Variants in TESMIN observed in about 807,000 individuals in gnomAD.
TESMIN encodes the protein CXC domain containing 2.
In TESMIN, 34 loss-of-function variants were observed where a neutral mutation model predicts 47.4. The ratio of observed to expected loss-of-function variants is 0.72; its 90% CI spans 0.55 to 0.96. The LOEUF is 0.96. TESMIN is among the 40% of genes least tolerant of loss of function. The pLI is 0.00. For synonymous variants in TESMIN, 278 were observed against 258.9 expected, an observed-to-expected ratio of 1.07 and a Z score of -0.71; for missense variants, 610 against 637.2, an observed-to-expected ratio of 0.96 and a Z score of 0.46.
rs1031215563 is a variant in TESMIN at position 68,708,114 on chromosome 11, G to A, written c.*194C>T. 1.7e-5 allele frequency: 10 copies of A among 585,338 alleles called. No individual in the cohort carries two copies. Among genetic ancestry groups the A allele is most frequent in the Non-Finnish European group, 2.7e-5 (9 of 330,866 alleles). 36.3% of individuals were successfully genotyped at this position (585,338 alleles called of 1,614,324 possible). A position where few individuals can be genotyped will look rare whatever the true frequency, so the allele number is the denominator to read the frequency against. ...CTCTGGGCCAGACAAACAATGCTCA[G>A]GCCATGCACCTCCTCAGAAAAGGGG... is the stretch of plus-strand genomic sequence containing the variant. On this transcript the variant is annotated 3_prime_UTR_variant, in exon 10 of 10. Coordinates refer to ENST00000255087, the MANE Select transcript of TESMIN (RefSeq NM_004923.3).
At chr11:68,717,614 A>C (rs531037261) in intron 6 of TESMIN, among the ~76,000 whole-genome samples, 1 of 152,346 alleles carries the variant, frequency 6.6e-6, no homozygotes, top group South Asian at 2.1e-4. Context: ...GGCAGACTCA[A>C]GAATGCTGAA....
chr11:68,712,609 AAG>A (rs1946086515), intron 8 of TESMIN, among the ~76,000 whole-genome samples: 1 of 152,190 alleles, frequency 6.6e-6, no homozygotes. Context: ...AGAAATAGCA[AAG>A]AGAGGTGAAA....
intron 6 of TESMIN, chr11:68,732,852 C>G (rs1946344866): frequency 6.6e-6 from 1 of 152,188 alleles, no homozygotes; most frequent in South Asian, 2.1e-4. Flanking sequence ...GGATTTCTAC[C>G]CACTGGTGCA....
chr11:68,710,825 A>G, intron 9 of TESMIN, 49 bp downstream of exon 9: 1 of 1,510,880 alleles, frequency 6.6e-7, no homozygotes, highest in Non-Finnish European at 9.0e-7. Context: ...TCTCCTCTCA[A>G]ATTAACCTCT....
At position 68,738,741 on chromosome 11, in the gene TESMIN, C is replaced by G. The variant is rs138790602; in HGVS notation, c.876G>C (p.Ser292=). 1 of 1,613,962 alleles carries G rather than the reference C, an allele frequency of 6.2e-7. No individual in the cohort carries two copies. The highest frequency in any genetic ancestry group is 1.7e-5 in the Admixed American group (1 of 60,014). ...PSVVNGSAFP[S]GSTLPGPPKI... ...TTGGTGGTCCTGGAAGAGTTGATCC[C>G]GAGGGGAAAGCAGACCCGTTGACTA... The change falls in exon 6 of 10, where the codon TCG becomes TCC. Residue 292 remains serine, a synonymous_variant. Coordinates refer to ENST00000255087, the MANE Select transcript of TESMIN (RefSeq NM_004923.3).
intron 6 of TESMIN, among the ~76,000 whole-genome samples, chr11:68,728,185 G>GC (rs1946286989): frequency 6.6e-6 from 1 of 152,212 alleles, no homozygotes; most frequent in African/African-American, 2.4e-5. Context: ...CATGTCGAAA[G>GC]CCAAGATAGG....
At chr11:68,715,660 A>G (rs547678588) in intron 7 of TESMIN, among the ~76,000 whole-genome samples, 177 bp downstream of exon 7, 143 of 152,328 alleles carry the variant, frequency 9.4e-4, no homozygotes, top group African/African-American at 3.3e-3. Context: ...TACCACTTTT[A>G]CAACAGCCGC....
intron 6 of TESMIN, among the ~76,000 whole-genome samples, chr11:68,727,083 T>A (rs140682611): frequency 9.0e-5 from 13 of 144,988 alleles, no homozygotes; most frequent in African/African-American, 3.3e-4. Flanking sequence ...AAAAAAAAAA[T>A]AATGAAATGA....
intron 6 of TESMIN, among the ~76,000 whole-genome samples, chr11:68,720,329 T>C (rs113808541): frequency 2.0e-5 from 3 of 152,302 alleles, no homozygotes; most frequent in African/African-American, 7.2e-5. Context: ...AAAATCCTTA[T>C]TGTTTTATTT....
chr11:68,720,789 T>G (rs1946195534), intron 6 of TESMIN, among the ~76,000 whole-genome samples: 1 of 152,228 alleles, frequency 6.6e-6, no homozygotes, highest in African/African-American at 2.4e-5. Flanking sequence ...ATTAATTTTA[T>G]TTTTGATAAA....
At chr11:68,709,824 A>G (rs1177451835) in intron 9 of TESMIN, among the ~76,000 whole-genome samples, 1 of 152,170 alleles carries the variant, frequency 6.6e-6, no homozygotes, top group Non-Finnish European at 1.5e-5. Context: ...ATTTTCACAC[A>G]TCACTTCACA....
rs759397722 is a variant in TESMIN, at chr11:68,750,506, G to T, written c.155C>A (p.Ala52Glu). 6.2e-6 allele frequency: 10 copies of T among 1,603,718 alleles called. No individual in the cohort carries two copies. In the South Asian group the frequency reaches 7.9e-5, roughly 13 times the overall value. ...CTTGGGGTCCGCCGGGCCCAGGTACGCTTCTTTGAAGACGTGGAACTCGTC... is the reference window on the plus strand; with the variant it reads ...CTTGGGGTCCGCCGGGCCCAGGTACTCTTCTTTGAAGACGTGGAACTCGTC... ...EEDEFHVFKE[A>E]YLGPADPKEP... is the part of the protein sequence containing the mutation. Residue 52 changes from alanine to glutamate, a missense_variant, in exon 2 of 10, where the codon GCG (alanine) becomes GAG (glutamate). Coordinates refer to ENST00000255087, the MANE Select transcript of TESMIN (RefSeq NM_004923.3).
chr11:68,705,760 C>A (rs1045948610), downstream of TESMIN, among the ~76,000 whole-genome samples: 2 of 152,158 alleles, frequency 1.3e-5, no homozygotes, highest in East Asian at 3.9e-4. Context: ...CGGTGGCTCA[C>A]GCCTGTAATC....
Position 68,750,374 on chromosome 11 carries a change from T to C in TESMIN, c.287A>G (p.Glu96Gly). The change falls in exon 2 of 10, where the codon GAG (glutamate) becomes GGG (glycine). Residue 96 changes from glutamate (E) to glycine (G), a missense_variant. Physicochemically the swap from Glu to Gly is moderately conservative, Grantham distance 98 (BLOSUM62 -2). Coordinates refer to ENST00000255087, the MANE Select transcript of TESMIN (RefSeq NM_004923.3). ...GDSDGGELLGEYPGIPELSAL... is the reference protein window; with the variant it reads ...GDSDGGELLGGYPGIPELSAL... The stretch of plus-strand genomic sequence containing the variant: ...GCTGAGCTCTGGGATCCCGGGGTAC[T>C]CCCCGAGGAGCTCCCCGCCGTCGCT... The C allele has an allele frequency of 6.6e-7, 1 of 1,508,918 alleles. No individual in the cohort carries two copies. The highest frequency in any genetic ancestry group is 1.3e-5 in the South Asian group (1 of 78,368). 93.5% of individuals were successfully genotyped at this position (1,508,918 alleles called of 1,614,324 possible).
Position 68,750,378 on chromosome 11 carries a change from C to A in TESMIN, c.283G>T (p.Gly95Trp). The A allele has an allele frequency of 6.6e-7, 1 of 1,512,340 alleles. No homozygotes were observed. The highest frequency in any genetic ancestry group is 8.9e-7 in the Non-Finnish European group (1 of 1,127,064). The allele number at this position is 1,512,340 out of a possible 1,614,324, so 93.7% of individuals were successfully genotyped here. Reference protein sequence around the residue: ...GGDSDGGELLGEYPGIPELSA... With the variant: ...GGDSDGGELLWEYPGIPELSA... ...AGCTCTGGGATCCCGGGGTACTCCC[C>A]GAGGAGCTCCCCGCCGTCGCTGTCG... is the stretch of plus-strand genomic sequence containing the variant. Residue 95 changes from glycine to tryptophan, a missense_variant, in exon 2 of 10, where the codon GGG becomes TGG. Transcript: ENST00000255087.
rs1410573910 is a variant in TESMIN at position 68,750,205 on chromosome 11, G to T, written c.456C>A (p.Gly152=). The change falls in exon 2 of 10, where the codon GGC becomes GGA. Residue 152 remains glycine, a synonymous_variant. Transcript: ENST00000255087. ...AWVLEGASHP[G]VRMIPVEIKE... ...CGGTTCTTACTGGGATCATGCGGAC[G>T]CCCGGGTGGGAGGCTCCTTCCAGGA... The T allele has an allele frequency of 6.7e-7, 1 of 1,490,358 alleles. No individual in the cohort carries two copies. Among genetic ancestry groups the T allele is most frequent in the East Asian group, 2.5e-5 (1 of 39,752 alleles). The allele number at this position is 1,490,358 out of a possible 1,614,324, so 92.3% of individuals were successfully genotyped here.
At chr11:68,729,452 G>A (rs1946302796) in intron 6 of TESMIN, among the ~76,000 whole-genome samples, 1 of 151,976 alleles carries the variant, frequency 6.6e-6, no homozygotes, top group Non-Finnish European at 1.5e-5. Flanking sequence ...TTGAACCTGG[G>A]AGGTGGAGGT....
At chr11:68,738,459 C>G in intron 6 of TESMIN, 1 of 1,303,068 alleles carries the variant, frequency 7.7e-7, no homozygotes, top group Admixed American at 3.5e-5. Flanking sequence ...GGACAGCGGA[C>G]AGGAGGACAG....
chr11:68,714,109 C>T (rs1044481605), intron 7 of TESMIN, among the ~76,000 whole-genome samples: 2 of 152,188 alleles, frequency 1.3e-5, no homozygotes, highest in Admixed American at 6.5e-5. Context: ...AACAATTCAA[C>T]GCTCTTTGTA....
Sources: gnomAD v4.1 joint callset for allele counts (sites outside exome capture counted in the v4.1 genomes callset) on GRCh38, gnomAD v4.1.1 for gene constraint, MANE v1.5 for transcripts, NCBI Gene and HGNC (gene_info 2026-07-23, HGNC 2026-07-21) for gene names.